CSNK2A1: variants seen among roughly 807,000 people sequenced by gnomAD.
CSNK2A1 encodes the protein casein kinase 2 alpha 1, also known as casein kinase II subunit alpha.
A neutral mutation model predicts 62.9 loss-of-function variants in CSNK2A1; 10 were observed. The observed-to-expected ratio is 0.16, with a 90% CI of 0.10 to 0.27. The LOEUF (loss-of-function observed/expected upper bound fraction) is 0.27, where lower values mean the gene tolerates loss of function less well. Ranked by LOEUF, CSNK2A1 falls within the 10% of genes least tolerant of loss-of-function variation. The pLI, the probability that CSNK2A1 is intolerant of heterozygous loss-of-function variation, is 1.00. For missense variants in CSNK2A1, 160 were observed against 492.0 expected (o/e 0.33, Z 6.38); for synonymous variants, 124 against 167.8 (o/e 0.74, Z 2.02).
chr20:526,566 A>C (rs2019094090), intron 2 of CSNK2A1: 1 of 151,974 alleles, frequency 6.6e-6, no homozygotes, highest in Non-Finnish European at 1.5e-5. Flanking sequence ...AGCTATGATC[A>C]TGTCACTGCA....
chr20:510,133 G>A (rs1458645590), intron 2 of CSNK2A1: 2 of 151,488 alleles, frequency 1.3e-5, no homozygotes, highest in African/African-American at 4.9e-5. Flanking sequence ...AATTTGTGAA[G>A]TTGGTACATA....
In CSNK2A1 at chr20:499,186, C is replaced by T; in HGVS notation, c.366+69G>A. 1 of 1,310,422 alleles carries T rather than the reference C, an allele frequency of 7.6e-7. No homozygotes were observed. Among genetic ancestry groups the T allele is most frequent in the Non-Finnish European group, 1.0e-6 (1 of 974,538 alleles). 81.2% of individuals were successfully genotyped at this position (1,310,422 alleles called of 1,614,324 possible). ...ACAAATGCGAAGCAAGCTCTTCTAACAGCATCATCCCCAAAGGCTATGTGG... is the reference window on the plus strand; with the variant it reads ...ACAAATGCGAAGCAAGCTCTTCTAATAGCATCATCCCCAAAGGCTATGTGG... On this transcript the variant is annotated intron_variant, in intron 6 of 13. Transcript: ENST00000217244. The surrounding 1 kb of genome is among the most constrained non-coding windows in gnomAD (Gnocchi z 4.2).
rs2018894614 is a variant in CSNK2A1, at chr20:519,291, G to GT, written c.-110+8641dup. ...CAGAAAAGAGAATGGGATAAAGGCA[G>GT]TAACTGAAGACAGTTGAAAATATCC... On this transcript the variant is annotated intron_variant, in intron 2 of 13. Coordinates refer to ENST00000217244, the MANE Select transcript of CSNK2A1 (RefSeq NM_177559.3). Among the ~76,000 whole-genome samples the GT allele has an allele frequency of 1.3e-5, 2 of 152,218 alleles. 1 individual carries two copies. The highest frequency in any genetic ancestry group is 4.1e-4 in the South Asian group (2 of 4,834).
chr20:537,290 T>C (rs1191500378), intron 1 of CSNK2A1, among the ~76,000 whole-genome samples: 1 of 152,206 alleles, frequency 6.6e-6, no homozygotes, highest in Non-Finnish European at 1.5e-5. Context: ...CACAATATTT[T>C]CTATGCAAGA....
At chr20:514,436 A>G (rs1475625606) in intron 2 of CSNK2A1, among the ~76,000 whole-genome samples, 5 of 151,588 alleles carry the variant, frequency 3.3e-5, no homozygotes, top group Non-Finnish European at 7.4e-5. Context: ...TATCATTATT[A>G]TTTTTTTGAG....
rs963632166 is a variant in CSNK2A1 at position 475,838 on chromosome 20, T to G, written c.*8123A>C. On this transcript the variant is annotated 3_prime_UTR_variant, in exon 14 of 14. Transcript: ENST00000217244. ...AGAAGAGCACGCCCTGAGTAGCTGCTGCAACTTCTGCCACATTGGGCAAAC... is the reference window on the plus strand; with the variant it reads ...AGAAGAGCACGCCCTGAGTAGCTGCGGCAACTTCTGCCACATTGGGCAAAC... The G allele has an allele frequency of 1.3e-5, 2 of 152,214 alleles. No individual in the cohort carries two copies. The highest frequency in any genetic ancestry group is 2.9e-5 in the Non-Finnish European group (2 of 68,050). The allele number at this position is 152,214 out of a possible 1,614,324, so 9.4% of individuals were successfully genotyped here. A position where few individuals can be genotyped will look rare whatever the true frequency, so the allele number is the denominator to read the frequency against.
intron 13 of CSNK2A1, among the ~76,000 whole-genome samples, chr20:485,839 C>T (rs2122501461): frequency 6.6e-6 from 1 of 152,296 alleles, no homozygotes; most frequent in South Asian, 2.1e-4. Flanking sequence ...ATGTATAATT[C>T]TTATGCTATG....
rs11477158 is a variant in CSNK2A1, at chr20:498,335, C to CTTTTTTTTTTTTTTTT, written c.367-571_367-556dup. The CTTTTTTTTTTTTTTTT allele has an allele frequency of 4.2e-5, 5 of 119,660 alleles. 1 individual carries two copies. The highest frequency in any genetic ancestry group is 1.6e-4 in the African/African-American group (5 of 31,502). The allele number at this position is 119,660 out of a possible 1,614,324, so 7.4% of individuals were successfully genotyped here. ...CAGAATGTTTTTTACATGGACATAT[C>CTTTTTTTTTTTTTTTT]TTTTTTTTTTTTTTTTTTTTTTGAG... On this transcript the variant is annotated intron_variant, in intron 6 of 13. Transcript: ENST00000217244.
In CSNK2A1 at chr20:481,423, A is replaced by C. The variant is rs1156839827; in HGVS notation, c.*2538T>G. 6.6e-6 allele frequency: 1 copy of C among 151,876 alleles called. No individual in the cohort carries two copies. Among genetic ancestry groups the C allele is most frequent in the African/African-American group, 2.4e-5 (1 of 41,374 alleles). 9.4% of individuals were successfully genotyped at this position (151,876 alleles called of 1,614,324 possible). A position where few individuals can be genotyped will look rare whatever the true frequency, so the allele number is the denominator to read the frequency against. On this transcript the variant is annotated 3_prime_UTR_variant, in exon 14 of 14. Transcript: ENST00000217244. ...TGCTGAGAAATAGTGTCCCAATACA[A>C]GGTATACAGATGAGGTAATTTACAA...
rs760073591 is a variant in CSNK2A1 at position 476,674 on chromosome 20, T to C, written c.*7287A>G. 1 of 144,500 alleles carries C rather than the reference T, an allele frequency of 6.9e-6. No homozygotes were observed. Among genetic ancestry groups the C allele is most frequent in the Non-Finnish European group, 1.5e-5 (1 of 65,858 alleles). 9.0% of individuals were successfully genotyped at this position (144,500 alleles called of 1,614,324 possible). On this transcript the variant is annotated 3_prime_UTR_variant, in exon 14 of 14. Coordinates refer to ENST00000217244, the MANE Select transcript of CSNK2A1 (RefSeq NM_177559.3). ...TGCAGCCTCAACCTCCTGGGCTCAA[T>C]TGATTCCTCCATCTCAGCCTCCCAA...
chr20:497,895 G>A (rs1317343312), intron 6 of CSNK2A1, 115 bp from the exon 7 acceptor site: 2 of 837,182 alleles, frequency 2.4e-6, no homozygotes, highest in Non-Finnish European at 3.9e-6. Flanking sequence ...TCCAAGATCT[G>A]TCCATTCACT....
At chr20:535,889 G>C (rs141281345) in intron 1 of CSNK2A1, among the ~76,000 whole-genome samples, 2 of 152,250 alleles carry the variant, frequency 1.3e-5, no homozygotes, top group African/African-American at 2.4e-5. Flanking sequence ...TTAATGCAGG[G>C]AGCTGGCCTT....
chr20:491,144 T>A (rs2018226928), intron 9 of CSNK2A1, among the ~76,000 whole-genome samples: 1 of 152,150 alleles, frequency 6.6e-6, no homozygotes, highest in African/African-American at 2.4e-5. Context: ...AGTCTGAAAC[T>A]TTTAAAATCA....
chr20:509,172 A>G (rs1299885313), intron 2 of CSNK2A1, among the ~76,000 whole-genome samples: 1 of 152,236 alleles, frequency 6.6e-6, no homozygotes, highest in Non-Finnish European at 1.5e-5. Context: ...GCTCCATGTC[A>G]TCTTATACCA....
chr20:490,683 C>T (rs1391194349), intron 9 of CSNK2A1, among the ~76,000 whole-genome samples: 3 of 148,912 alleles, frequency 2.0e-5, no homozygotes, highest in Non-Finnish European at 1.5e-5. Flanking sequence ...GGATTATAGG[C>T]GTGAGCCACT....
At chr20:523,546 CA>C (rs1340573888) in intron 2 of CSNK2A1, among the ~76,000 whole-genome samples, 1 of 152,168 alleles carries the variant, frequency 6.6e-6, no homozygotes, top group Non-Finnish European at 1.5e-5. Context: ...AAGCCAGTCT[CA>C]AAATATTACA....
At chr20:493,073 C>G (rs1245621792) in intron 8 of CSNK2A1, among the ~76,000 whole-genome samples, 1 of 152,194 alleles carries the variant, frequency 6.6e-6, no homozygotes, top group African/African-American at 2.4e-5. Flanking sequence ...AGTTTACTGC[C>G]TGTATCTCAA....
intron 9 of CSNK2A1, 85 bp downstream of exon 9, chr20:492,169 G>T: frequency 1.7e-6 from 2 of 1,186,928 alleles, no homozygotes; most frequent in Non-Finnish European, 2.4e-6. Flanking sequence ...CTACCTAAAT[G>T]CACAAAATGA....
chr20:535,361 A>C (rs902552555), intron 1 of CSNK2A1, among the ~76,000 whole-genome samples: 2 of 152,244 alleles, frequency 1.3e-5, no homozygotes, highest in African/African-American at 4.8e-5. Flanking sequence ...TACATGCTTG[A>C]ATACTTAATT....
Sources: gnomAD v4.1 joint callset for allele counts (sites outside exome capture counted in the v4.1 genomes callset) on GRCh38, gnomAD v4.1.1 for gene constraint, Gnocchi (gnomAD v3.1) non-coding constraint, MANE v1.5 for transcripts, NCBI Gene and HGNC (gene_info 2026-07-23, HGNC 2026-07-21) for gene names.